Variants in TPO observed in about 807,000 individuals in gnomAD.
The protein encoded by TPO is thyroid microsomal antigen.
TPO carries 78 observed loss-of-function variants against 96.9 expected under a neutral mutation model. The observed-to-expected ratio is 0.81, with a 90% CI of 0.67 to 0.97. The LOEUF (loss-of-function observed/expected upper bound fraction) is 0.97, where lower values mean the gene tolerates loss of function less well. TPO is among the 50% of genes least tolerant of loss of function. The pLI, the probability that TPO is intolerant of heterozygous loss-of-function variation, is 0.00. For missense variants in TPO, 1,252 were observed against 1,274.8 expected (o/e 0.98, Z 0.27); for synonymous variants, 547 against 538.0 (o/e 1.02, Z -0.23).
intron 3 of TPO, among the ~76,000 whole-genome samples, chr2:1,430,594 C>T (rs1361307413): frequency 6.6e-6 from 1 of 152,218 alleles, no homozygotes; most frequent in Non-Finnish European, 1.5e-5. Flanking sequence ...TTGCACTCTG[C>T]AACTGAAAAA....
chr2:1,377,383 T>C (rs762133700), intron 1 of TPO, among the ~76,000 whole-genome samples: 1 of 152,216 alleles, frequency 6.6e-6, no homozygotes, highest in African/African-American at 2.4e-5. Flanking sequence ...CACAGTTTTA[T>C]GAAAGGCATT....
At chr2:1,385,268 A>C (rs1200694496) in intron 1 of TPO, among the ~76,000 whole-genome samples, 1 of 152,192 alleles carries the variant, frequency 6.6e-6, no homozygotes, top group East Asian at 1.9e-4. Context: ...TGATTGGAAT[A>C]GTTTCAGAAG....
chr2:1,537,065 C>CCA (rs1679890873), intron 15 of TPO, among the ~76,000 whole-genome samples: 1 of 94,974 alleles, frequency 1.1e-5, no homozygotes, highest in Non-Finnish European at 2.2e-5. Context: ...CAAATCCCTG[C>CCA]CACTGTGTGC....
At chr2:1,491,782 T>C (rs1050904333) in intron 10 of TPO, among the ~76,000 whole-genome samples, 1 of 152,188 alleles carries the variant, frequency 6.6e-6, no homozygotes, top group Non-Finnish European at 1.5e-5. Context: ...TGAAATTTTG[T>C]TGGAGGTGCT....
chr2:1,500,844 C>T (rs916666089), intron 13 of TPO, among the ~76,000 whole-genome samples: 5 of 151,772 alleles, frequency 3.3e-5, no homozygotes, highest in African/African-American at 9.7e-5. Flanking sequence ...TGGTGGTAGG[C>T]GCCTGTAATC....
chr2:1,382,246 C>T (rs61316971), intron 1 of TPO, among the ~76,000 whole-genome samples: 1 of 152,304 alleles, frequency 6.6e-6, no homozygotes, highest in African/African-American at 2.4e-5. Flanking sequence ...CTGCGGCAAA[C>T]AGCTCCCAAG....
intron 5 of TPO, among the ~76,000 whole-genome samples, chr2:1,442,699 T>A (rs1013299956): frequency 2.0e-5 from 3 of 152,222 alleles, no homozygotes; most frequent in Non-Finnish European, 4.4e-5. Context: ...TACAAGCTGC[T>A]TAGACTTCAT....
chr2:1,433,540 G>A lies in TPO; in HGVS notation c.282G>A (p.Met94Ile). The A allele has an allele frequency of 6.2e-7, 1 of 1,614,162 alleles. No homozygotes were observed. The highest frequency in any genetic ancestry group is 8.5e-7 in the Non-Finnish European group (1 of 1,180,036). ...SGVIARAAEIMETSIQAMKRK... is the reference protein window; with the variant it reads ...SGVIARAAEIIETSIQAMKRK... ...TGATTGCCCGAGCAGCAGAGATAAT[G>A]GAAACATCAATACAAGCGATGAAAA... Residue 94 changes from methionine (M) to isoleucine (I), a missense_variant, in exon 4 of 17, where the codon ATG (methionine) becomes ATA (isoleucine). Transcript: ENST00000329066.
At chr2:1,503,817 C>G in intron 13 of TPO, 131 bp from the exon 14 acceptor site, 2 of 1,559,474 alleles carry the variant, frequency 1.3e-6, no homozygotes, top group Non-Finnish European at 1.7e-6. Context: ...CCGGTTCCCC[C>G]TAGACCAGGT....
At chr2:1,379,624 G>A (rs374964012) in intron 1 of TPO, among the ~76,000 whole-genome samples, 31 of 152,264 alleles carry the variant, frequency 2.0e-4, no homozygotes, top group Non-Finnish European at 4.1e-4. Flanking sequence ...CAGGGCGTCG[G>A]TATAGCTCAC....
chr2:1,525,222 C>A (rs1676161528), intron 15 of TPO, among the ~76,000 whole-genome samples: 1 of 139,634 alleles, frequency 7.2e-6, no homozygotes. Flanking sequence ...GCTCAAATCC[C>A]CTCACTGTGT....
chr2:1,485,828 G>A (rs1408052480), intron 9 of TPO, among the ~76,000 whole-genome samples: 1 of 152,004 alleles, frequency 6.6e-6, no homozygotes, highest in Non-Finnish European at 1.5e-5. Context: ...TGGGTAGATT[G>A]CAAAAATTTT....
intron 9 of TPO, among the ~76,000 whole-genome samples, chr2:1,485,428 G>T (rs1200602705): frequency 5.3e-5 from 8 of 152,120 alleles, no homozygotes; most frequent in Admixed American, 1.3e-4. Context: ...CCAAGTAATT[G>T]GATCGCTGGG....
At chr2:1,524,215 A>ATCCTGTGTGCAACCTCCTCAAATCCC (rs1675879035) in intron 15 of TPO, among the ~76,000 whole-genome samples, 8 of 37,628 alleles carry the variant, frequency 2.1e-4, no homozygotes, top group Non-Finnish European at 3.2e-4. Context: ...CCTCAAATCC[A>ATCCTGTGTGCAACCTCCTCAAATCCC]CCCCACTGTG....
At chr2:1,542,188 T>C (rs2125363085) in intron 16 of TPO, 1 of 616,370 alleles carries the variant, frequency 1.6e-6, no homozygotes. Context: ...GATCCCACTC[T>C]GTGAGTAGGA....
chr2:1,480,762 ACCTCCCTCCTCCTGCATC>A (rs1670510319), intron 8 of TPO, among the ~76,000 whole-genome samples: 4 of 151,056 alleles, frequency 2.6e-5, no homozygotes, highest in Middle Eastern at 3.4e-3. Context: ...CGTCCACACC[ACCTCCCTCCTCCTGCATC>A]CGTCCACACC....
intron 9 of TPO, among the ~76,000 whole-genome samples, chr2:1,485,368 G>A (rs1017028013): frequency 9.9e-5 from 15 of 152,128 alleles, no homozygotes; most frequent in African/African-American, 3.6e-4. Context: ...ATAAACATAC[G>A]TGTGCATGTG....
intron 1 of TPO, among the ~76,000 whole-genome samples, chr2:1,388,905 G>C (rs574568775): frequency 6.6e-6 from 1 of 152,146 alleles, no homozygotes; most frequent in African/African-American, 2.4e-5. Context: ...CTTCCTAGAC[G>C]GGTCAGAATT....
At chr2:1,433,358 T>C in intron 3 of TPO, 80 bp from the exon 4 acceptor site, 1 of 1,549,072 alleles carries the variant, frequency 6.5e-7, no homozygotes, top group Non-Finnish European at 8.9e-7. Context: ...TCAATAAATG[T>C]CTGCTTAATT....
Sources: allele counts gnomAD v4.1 joint callset (sites outside exome capture counted in the v4.1 genomes callset), GRCh38; gene constraint gnomAD v4.1.1; transcripts MANE v1.5; gene names NCBI Gene and HGNC (gene_info 2026-07-23, HGNC 2026-07-21).